KAZN: variants seen among roughly 807,000 people sequenced by gnomAD.
KAZN encodes kazrin, periplakin interacting protein, also known as kazrin.
KAZN carries 40 observed loss-of-function variants against 87.4 expected under a neutral mutation model. The ratio of observed to expected loss-of-function variants is 0.46; its 90% CI spans 0.36 to 0.60. The LOEUF (loss-of-function observed/expected upper bound fraction) is 0.60. Ranked by LOEUF, KAZN falls within the 20% of genes least tolerant of loss-of-function variation. The pLI is 0.00. For synonymous variants in KAZN, 466 were observed against 458.3 expected, an observed-to-expected ratio of 1.02 and a Z score of -0.22; for missense variants, 898 against 1,073.9, an observed-to-expected ratio of 0.84 and a Z score of 2.29.
At chr1:15,035,421 A>G (rs1481125838) in intron 3 of KAZN, among the ~76,000 whole-genome samples, 1 of 152,210 alleles carries the variant, frequency 6.6e-6, no homozygotes, top group African/African-American at 2.4e-5. Context: ...TCACAGAGGA[A>G]GTGACATATG....
intron 2 of KAZN, among the ~76,000 whole-genome samples, chr1:14,303,012 C>T (rs1485169039): frequency 6.6e-6 from 1 of 152,006 alleles, no homozygotes; most frequent in Non-Finnish European, 1.5e-5. Context: ...GCCTGTGTGT[C>T]CTGGCTTTTC....
intron 1 of KAZN, among the ~76,000 whole-genome samples, chr1:14,003,287 A>G (rs1236634302): frequency 6.6e-6 from 1 of 151,818 alleles, no homozygotes; most frequent in Admixed American, 6.6e-5. Flanking sequence ...CCTATGTAAC[A>G]AACCTACACG....
At chr1:15,038,932 T>G (rs1672628604) in intron 3 of KAZN, among the ~76,000 whole-genome samples, 1 of 151,182 alleles carries the variant, frequency 6.6e-6, no homozygotes. Context: ...GTGCACCTAC[T>G]GTATACAGAC....
intron 4 of KAZN, among the ~76,000 whole-genome samples, chr1:15,053,666 AT>A (rs1225375117): frequency 6.6e-6 from 1 of 152,208 alleles, no homozygotes; most frequent in African/African-American, 2.4e-5. Flanking sequence ...CCCAGGTTGG[AT>A]GTTGTGCCCA....
chr1:14,728,287 TATAAAAAAAAAAAAA>T (rs1643510486), intron 1 of KAZN, among the ~76,000 whole-genome samples: 1 of 70,424 alleles, frequency 1.4e-5, no homozygotes, highest in Non-Finnish European at 2.6e-5. Context: ...ACACCGTATA[TATAAAAAAAAAAAAA>T]AAAAAAAAAA....
chr1:14,453,700 G>T (rs1392394821), intron 2 of KAZN, among the ~76,000 whole-genome samples: 1 of 152,168 alleles, frequency 6.6e-6, no homozygotes, highest in Non-Finnish European at 1.5e-5. Context: ...GCCAGGTGTG[G>T]TGGCATGCCC....
At chr1:14,254,698 AC>A (rs1650343969) in intron 2 of KAZN, among the ~76,000 whole-genome samples, 1 of 151,844 alleles carries the variant, frequency 6.6e-6, no homozygotes, top group African/African-American at 2.4e-5. Context: ...AATACCTGAG[AC>A]TGGGTAATTT....
chr1:14,346,051 T>C (rs1454449893), intron 2 of KAZN, among the ~76,000 whole-genome samples: 1 of 152,228 alleles, frequency 6.6e-6, no homozygotes, highest in East Asian at 1.9e-4. Context: ...ATGAAAAATG[T>C]AGCACTGCTC....
At chr1:14,176,051 G>T (rs1646067996) in intron 1 of KAZN, among the ~76,000 whole-genome samples, 1 of 152,188 alleles carries the variant, frequency 6.6e-6, no homozygotes, top group Non-Finnish European at 1.5e-5. Flanking sequence ...AGGTGGTATT[G>T]TTTTTAACTT....
intron 2 of KAZN, among the ~76,000 whole-genome samples, chr1:14,183,431 A>G (rs944108413): frequency 6.6e-6 from 1 of 152,094 alleles, no homozygotes; most frequent in Admixed American, 6.5e-5. Flanking sequence ...TAGCACCTCT[A>G]TTTGCATTCC....
intron 2 of KAZN, among the ~76,000 whole-genome samples, chr1:14,347,053 C>T (rs947820527): frequency 2.6e-5 from 4 of 152,160 alleles, no homozygotes; most frequent in Non-Finnish European, 4.4e-5. Context: ...TGTAGATGTT[C>T]AGGGAAATAG....
At chr1:15,041,251 C>T (rs543049804) in intron 3 of KAZN, among the ~76,000 whole-genome samples, 15 of 151,046 alleles carry the variant, frequency 9.9e-5, no homozygotes, top group African/African-American at 3.6e-4. Flanking sequence ...CATGAGCCAC[C>T]GCACCCGGCT....
At chr1:14,585,178 T>TA (rs1171536311) in intron 2 of KAZN, among the ~76,000 whole-genome samples, 2 of 152,212 alleles carry the variant, frequency 1.3e-5, no homozygotes, top group Non-Finnish European at 2.9e-5. Context: ...TCTAGAACTC[T>TA]GAGGAAATAC....
At chr1:14,673,753 A>G (rs1390084007) in intron 1 of KAZN, among the ~76,000 whole-genome samples, 1 of 152,188 alleles carries the variant, frequency 6.6e-6, no homozygotes. Flanking sequence ...TCTTTGCTGA[A>G]TTCTTGGCGC....
chr1:14,284,088 C>T (rs1481027978), intron 2 of KAZN, among the ~76,000 whole-genome samples: 1 of 149,766 alleles, frequency 6.7e-6, no homozygotes, highest in Non-Finnish European at 1.5e-5. Flanking sequence ...CAGTAACTGC[C>T]TAGGGTGGGG....
intron 1 of KAZN, among the ~76,000 whole-genome samples, chr1:14,837,388 G>C (rs538349771): frequency 6.6e-6 from 1 of 151,918 alleles, no homozygotes; most frequent in African/African-American, 2.4e-5. Context: ...GAGTAGAGAC[G>C]GGGTTTCTCC....
chr1:15,082,275 C>T (rs1322820066), intron 8 of KAZN, among the ~76,000 whole-genome samples: 1 of 152,150 alleles, frequency 6.6e-6, no homozygotes, highest in East Asian at 1.9e-4. Flanking sequence ...TTCCCTGCGC[C>T]ACCTCCAACT....
chr1:14,943,746 G>A (rs555644817), intron 1 of KAZN, among the ~76,000 whole-genome samples: 4 of 152,352 alleles, frequency 2.6e-5, no homozygotes, highest in South Asian at 2.1e-4. Flanking sequence ...AGACGGCATC[G>A]CCTCTCAGGC....
rs550529912 is a variant in KAZN at position 14,125,860 on chromosome 1, C to T, written c.92-54575C>T. 5.3e-5 allele frequency among the ~76,000 whole-genome samples: 8 copies of T among 150,828 alleles called. No individual in the cohort carries two copies. The East Asian group carries it at 1.2e-3, about 22-fold the overall frequency. On this transcript the variant is annotated intron_variant, in intron 1 of 16. Transcript: ENST00000636203. The stretch of plus-strand genomic sequence containing the variant: ...AAGGTTCAGGGCAGATTTGCAGAAC[C>T]GTTAGATTCAGGCAACAAAGATCAG...
Sources: allele counts gnomAD v4.1 joint callset (sites outside exome capture counted in the v4.1 genomes callset), GRCh38; gene constraint gnomAD v4.1.1; transcripts MANE v1.5; gene names NCBI Gene and HGNC (gene_info 2026-07-23, HGNC 2026-07-21).